The following PDE1A variants were observed in gnomAD, a reference collection of about 807,000 sequenced individuals.
The protein encoded by PDE1A is dual specificity calcium/calmodulin-dependent 3',5'-cyclic nucleotide phosphodiesterase 1A.
PDE1A carries 35 observed loss-of-function variants against 61.7 expected under a neutral mutation model. The observed-to-expected ratio is 0.57, with a 90% CI of 0.43 to 0.75. The LOEUF (loss-of-function observed/expected upper bound fraction) is 0.75, where lower values mean the gene tolerates loss of function less well. Among genes scored for constraint, PDE1A ranks in the 30% least tolerant of loss-of-function variants. The pLI is 0.00. For missense variants in PDE1A, 597 were observed against 630.6 expected, an observed-to-expected ratio of 0.95 and a Z score of 0.57; for synonymous variants, 232 against 213.2, an observed-to-expected ratio of 1.09 and a Z score of -0.77.
chr2:182,236,157 G>T (rs988940433), intron 3 of PDE1A, among the ~76,000 whole-genome samples: 1 of 152,174 alleles, frequency 6.6e-6, no homozygotes, highest in African/African-American at 2.4e-5. Flanking sequence ...TTTGGATGTG[G>T]GTGATTAGGT....
the PDE1A span, among the ~76,000 whole-genome samples, chr2:182,705,163 G>T: frequency 6.6e-6 from 1 of 152,188 alleles, no homozygotes; most frequent in Non-Finnish European, 1.5e-5. Context: ...TCTCATGTAT[G>T]ATAATTTTTT....
the PDE1A span, among the ~76,000 whole-genome samples, chr2:182,614,987 C>A: frequency 1.3e-5 from 2 of 152,246 alleles, no homozygotes; most frequent in African/African-American, 4.8e-5. Context: ...ATTGATGATA[C>A]TTTTAGAATA....
At chr2:182,193,888 T>C (rs1397935500) in intron 10 of PDE1A, among the ~76,000 whole-genome samples, 1 of 152,062 alleles carries the variant, frequency 6.6e-6, no homozygotes, top group Non-Finnish European at 1.5e-5. Flanking sequence ...ATTTTAGGGG[T>C]TATGTTTATG....
intron 1 of PDE1A, among the ~76,000 whole-genome samples, chr2:182,354,535 A>T (rs2125122859): frequency 6.6e-6 from 1 of 152,276 alleles, no homozygotes; most frequent in Admixed American, 6.5e-5. Flanking sequence ...GATTTTTCAC[A>T]GTAAGTGTCA....
chr2:182,593,165 G>A, the PDE1A span, among the ~76,000 whole-genome samples: 1 of 152,136 alleles, frequency 6.6e-6, no homozygotes, highest in African/African-American at 2.4e-5. Context: ...AAACATAGAA[G>A]GTGTTATCTA....
chr2:182,268,709 ATG>A (rs1692806045), intron 1 of PDE1A, among the ~76,000 whole-genome samples: 1 of 151,752 alleles, frequency 6.6e-6, no homozygotes, highest in East Asian at 1.9e-4. Flanking sequence ...TCTTTCTCCC[ATG>A]TTCCTACCAT....
At chr2:182,215,257 T>G in intron 7 of PDE1A, among the ~76,000 whole-genome samples, 1 of 82,430 alleles carries the variant, frequency 1.2e-5, no homozygotes, top group Non-Finnish European at 2.5e-5. Flanking sequence ...CTGGGACGCA[T>G]TCAAAGCAGT....
At position 182,522,353 on chromosome 2, in the gene PDE1A, A is replaced by C. The variant is rs201395197; in HGVS notation, c.24T>G (p.Ile8Met). 12 of 1,613,532 alleles carry C rather than the reference A, an allele frequency of 7.4e-6. No individual in the cohort carries two copies. In the Admixed American group the frequency reaches 2.0e-4, roughly 27 times the overall value. The change falls in exon 2 of 15, where the codon ATT becomes ATG. Residue 8 changes from isoleucine to methionine, a missense_variant. Physicochemically the swap from Ile to Met is conservative, Grantham distance 10 (BLOSUM62 1). Coordinates refer to the PDE1A transcript ENST00000410103. ...TAAAAGTGGTGTTTTCCAATTCTTC[A>C]ATCTCTGTGGCACTAGACCCCATGA... is the stretch of plus-strand genomic sequence containing the variant.
intron 1 of PDE1A, among the ~76,000 whole-genome samples, chr2:182,325,412 A>G (rs1344956052): frequency 1.3e-5 from 2 of 152,154 alleles, no homozygotes; most frequent in East Asian, 1.9e-4. Flanking sequence ...TTTGGCAACA[A>G]TTATTGGATA....
At chr2:182,395,487 T>TG (rs1474561291) in intron 1 of PDE1A, among the ~76,000 whole-genome samples, 1 of 152,188 alleles carries the variant, frequency 6.6e-6, no homozygotes, top group East Asian at 1.9e-4. Context: ...TCCAGTGGTG[T>TG]GGGGCACGTT....
intron 1 of PDE1A, among the ~76,000 whole-genome samples, chr2:182,307,423 T>A (rs1190115670): frequency 2.0e-5 from 3 of 152,164 alleles, no homozygotes; most frequent in Non-Finnish European, 4.4e-5. Context: ...CACCCTCTCT[T>A]GCCCTTCCAC....
At chr2:182,193,202 G>T (rs1685859815) in intron 10 of PDE1A, among the ~76,000 whole-genome samples, 1 of 151,986 alleles carries the variant, frequency 6.6e-6, no homozygotes, top group Non-Finnish European at 1.5e-5. Flanking sequence ...TGGCCAGGTT[G>T]GTCTCGAACT....
intron 1 of PDE1A, among the ~76,000 whole-genome samples, chr2:182,328,140 G>A (rs1007863549): frequency 6.6e-6 from 1 of 152,192 alleles, no homozygotes; most frequent in Non-Finnish European, 1.5e-5. Flanking sequence ...CTATATCTAA[G>A]AGTGACAGGG....
intron 1 of PDE1A, among the ~76,000 whole-genome samples, chr2:182,312,307 G>T (rs1420499561): frequency 1.3e-5 from 2 of 152,022 alleles, no homozygotes; most frequent in African/African-American, 2.4e-5. Context: ...AATAGTTAAT[G>T]AAGTCCATCA....
At chr2:182,186,020 C>T (rs1189845486) in exon 13 of PDE1A, 1 of 1,613,902 alleles carries the variant, frequency 6.2e-7, no homozygotes, top group Non-Finnish European at 8.5e-7. Flanking sequence ...ACTCATGGAG[C>T]CTTTTGTATT....
At chr2:182,523,823 T>G (rs1444936026), upstream of PDE1A, among the ~76,000 whole-genome samples, 2 of 152,148 alleles carry the variant, frequency 1.3e-5, no homozygotes, top group Non-Finnish European at 2.9e-5. Context: ...GGAACTATTA[T>G]TAACAATTAG....
chr2:182,671,610 ACTTT>A, the PDE1A span, among the ~76,000 whole-genome samples: 2 of 133,840 alleles, frequency 1.5e-5, no homozygotes, highest in Non-Finnish European at 3.1e-5. Context: ...GGTGGTTGTG[ACTTT>A]CTTTTTCTTT....
chr2:182,261,993 C>A lies in PDE1A; in HGVS notation c.167+2308G>T, dbSNP rs568836993. ...TCATCTTGTGAACAATAAGAGCACA[C>A]ATAAAAATGAGGGAGCAAGGGAAAA... On this transcript the variant is annotated intron_variant, in intron 2 of 13. Transcript: ENST00000351439. Among the ~76,000 whole-genome samples, 3 of 151,966 alleles carry A rather than the reference C, an allele frequency of 2.0e-5. No individual in the cohort carries two copies. The South Asian group carries it at 6.2e-4, about 32-fold the overall frequency.
chr2:182,363,919 C>T (rs542399349), intron 1 of PDE1A, among the ~76,000 whole-genome samples: 1 of 151,900 alleles, frequency 6.6e-6, no homozygotes, highest in African/African-American at 2.4e-5. Flanking sequence ...ATAGAAAGAA[C>T]AAGCCATGGT....
Sources: gnomAD v4.1 joint callset for allele counts (sites outside exome capture counted in the v4.1 genomes callset) on GRCh38, gnomAD v4.1.1 for gene constraint, MANE v1.5 for transcripts, NCBI Gene and HGNC (gene_info 2026-07-23, HGNC 2026-07-21) for gene names.